Variants in ATXN7L1 observed in about 807,000 individuals in gnomAD.
ATXN7L1 encodes the protein ataxin-7-like protein 1.
In ATXN7L1, 15 loss-of-function variants were observed where a neutral mutation model predicts 70.8. That is an observed-to-expected ratio of 0.21 (90% confidence interval 0.14 to 0.33). The LOEUF is 0.33. ATXN7L1 is among the 10% of genes least tolerant of loss of function. The pLI is 1.00. For synonymous variants in ATXN7L1, 440 were observed against 445.1 expected (o/e 0.99, Z 0.14); for missense variants, 975 against 1,097.1 (o/e 0.89, Z 1.57).
intron 2 of ATXN7L1, among the ~76,000 whole-genome samples, chr7:105,852,151 C>T (rs1814977913): frequency 6.6e-6 from 1 of 152,122 alleles, no homozygotes; most frequent in African/African-American, 2.4e-5. Flanking sequence ...CTTGCCCCTG[C>T]CTCTCTCTAG....
chr7:105,646,045 CT>C (rs1203804920), intron 4 of ATXN7L1, among the ~76,000 whole-genome samples: 3 of 150,680 alleles, frequency 2.0e-5, no homozygotes, highest in African/African-American at 7.3e-5. Context: ...GTTGTGGTGG[CT>C]CATGCCTATA....
At chr7:105,659,417 G>A (rs1265919096) in intron 4 of ATXN7L1, among the ~76,000 whole-genome samples, 2 of 152,190 alleles carry the variant, frequency 1.3e-5, no homozygotes, top group East Asian at 3.8e-4. Context: ...AGTAACTACT[G>A]GGCAGGAGGA....
At chr7:105,695,013 T>C (rs1563012955) in intron 3 of ATXN7L1, among the ~76,000 whole-genome samples, 1 of 152,160 alleles carries the variant, frequency 6.6e-6, no homozygotes, top group Non-Finnish European at 1.5e-5. Flanking sequence ...TAGTTGGGCG[T>C]GGTGGCCGGT....
intron 2 of ATXN7L1, among the ~76,000 whole-genome samples, chr7:105,813,663 A>G (rs1247639797): frequency 1.3e-5 from 2 of 152,204 alleles, no homozygotes; most frequent in African/African-American, 4.8e-5. Context: ...AATAATGCAC[A>G]CTAGACTCTT....
At chr7:105,650,547 A>G (rs777598729) in intron 4 of ATXN7L1, among the ~76,000 whole-genome samples, 20 of 152,274 alleles carry the variant, frequency 1.3e-4, no homozygotes, top group Non-Finnish European at 2.8e-4. Context: ...ATGTGGTCAG[A>G]CCACACAGTT....
At chr7:105,699,907 A>G (rs779709338) in intron 3 of ATXN7L1, among the ~76,000 whole-genome samples, 9 of 152,138 alleles carry the variant, frequency 5.9e-5, no homozygotes, top group African/African-American at 9.7e-5. Flanking sequence ...TTAGAGTTCT[A>G]ATTTCCTGAA....
chr7:105,616,738 C>T (rs973038236), intron 9 of ATXN7L1, among the ~76,000 whole-genome samples: 1 of 152,218 alleles, frequency 6.6e-6, no homozygotes, highest in Non-Finnish European at 1.5e-5. Context: ...AATGTCTACA[C>T]ACATCCTTAG....
At chr7:105,685,587 A>G (rs752524268) in intron 3 of ATXN7L1, among the ~76,000 whole-genome samples, 1 of 152,148 alleles carries the variant, frequency 6.6e-6, no homozygotes, top group Non-Finnish European at 1.5e-5. Context: ...TCTTCCTACC[A>G]TATTTGCAGA....
chr7:105,837,643 TG>T (rs1812600285), intron 2 of ATXN7L1, among the ~76,000 whole-genome samples: 1 of 151,868 alleles, frequency 6.6e-6, no homozygotes, highest in South Asian at 2.1e-4. Context: ...CCACATATGA[TG>T]GGGGAAGGAA....
chr7:105,710,065 G>A (rs1275044575), intron 3 of ATXN7L1, among the ~76,000 whole-genome samples: 3 of 152,020 alleles, frequency 2.0e-5, no homozygotes, highest in African/African-American at 7.2e-5. Context: ...GGCAGGGCTG[G>A]TCTTGAACTC....
At position 105,788,682 on chromosome 7, in the gene ATXN7L1, C is replaced by A; in HGVS notation, c.277G>T (p.Ala93Ser). 1 of 1,613,744 alleles carries A rather than the reference C, an allele frequency of 6.2e-7. No individual in the cohort carries two copies. The highest frequency in any genetic ancestry group is 8.5e-7 in the Non-Finnish European group (1 of 1,179,684). ...EDMHLFGHYP[A>S]HDDFYLVVCS... ...ACTACGAGATAGAAGTCGTCATGTGCTGGGTAATGGCCAAATAAGTGCATA... is the reference window on the plus strand; with the variant it reads ...ACTACGAGATAGAAGTCGTCATGTGATGGGTAATGGCCAAATAAGTGCATA... The change falls in exon 3 of 12, where the codon GCA becomes TCA. Residue 93 changes from alanine to serine, a missense_variant. By Grantham distance (99) the Ala-to-Ser change is moderately conservative (BLOSUM62 1). Coordinates refer to ENST00000419735, the MANE Select transcript of ATXN7L1 (RefSeq NM_020725.2).
At chr7:105,692,306 C>T (rs1424328867) in intron 3 of ATXN7L1, among the ~76,000 whole-genome samples, 1 of 152,132 alleles carries the variant, frequency 6.6e-6, no homozygotes, top group Non-Finnish European at 1.5e-5. Context: ...GGCAGGAGCA[C>T]TAGAATTTGT....
chr7:105,736,459 G>A (rs1797385316), intron 3 of ATXN7L1, among the ~76,000 whole-genome samples: 1 of 152,140 alleles, frequency 6.6e-6, no homozygotes, highest in South Asian at 2.1e-4. Context: ...AATATGAGTG[G>A]TTTGTTCCTG....
At chr7:105,666,214 G>A (rs1378135775) in intron 3 of ATXN7L1, among the ~76,000 whole-genome samples, 1 of 152,180 alleles carries the variant, frequency 6.6e-6, no homozygotes, top group African/African-American at 2.4e-5. Flanking sequence ...CATGATTACA[G>A]GAAGGAATCC....
chr7:105,675,157 TA>T (rs3999822), intron 3 of ATXN7L1, among the ~76,000 whole-genome samples: 62,192 of 150,280 alleles, frequency 0.41, 12,750 homozygotes, highest in Middle Eastern at 0.54. Context: ...TTACTACAGT[TA>T]AAAAAAAAAA....
chr7:105,640,742 T>C (rs1172130946), intron 5 of ATXN7L1, among the ~76,000 whole-genome samples: 1 of 152,230 alleles, frequency 6.6e-6, no homozygotes, highest in Non-Finnish European at 1.5e-5. Context: ...CCAGGGTAGG[T>C]GATCTCTTAA....
chr7:105,650,752 G>A (rs1398640744), intron 4 of ATXN7L1, among the ~76,000 whole-genome samples: 3 of 152,188 alleles, frequency 2.0e-5, no homozygotes, highest in African/African-American at 7.2e-5. Context: ...ATTAGCTGCT[G>A]AGAACAATGA....
At chr7:105,758,615 G>A (rs1800103910) in intron 3 of ATXN7L1, among the ~76,000 whole-genome samples, 1 of 152,214 alleles carries the variant, frequency 6.6e-6, no homozygotes, top group Non-Finnish European at 1.5e-5. Context: ...CTCTGAAAGG[G>A]GGCCCTCCCC....
intron 2 of ATXN7L1, among the ~76,000 whole-genome samples, chr7:105,855,652 A>T (rs1018657712): frequency 5.9e-5 from 9 of 152,250 alleles, no homozygotes; most frequent in Admixed American, 2.0e-4. Flanking sequence ...AAATTAAAAG[A>T]ATAGTCAACC....
Sources: gnomAD v4.1 joint callset for allele counts (sites outside exome capture counted in the v4.1 genomes callset) on GRCh38, gnomAD v4.1.1 for gene constraint, MANE v1.5 for transcripts, NCBI Gene and HGNC (gene_info 2026-07-23, HGNC 2026-07-21) for gene names.